Variants in EPHB1 observed in about 807,000 individuals in gnomAD.
EPHB1 encodes the protein EPH receptor B1.
In EPHB1, 30 loss-of-function variants were observed where a neutral mutation model predicts 94.4. The ratio of observed to expected loss-of-function variants is 0.32; its 90% CI spans 0.24 to 0.43. EPHB1 has a LOEUF of 0.43. Ranked by LOEUF, EPHB1 falls within the 20% of genes least tolerant of loss-of-function variation. EPHB1 has a pLI of 1.00. For missense variants in EPHB1, 1,055 were observed against 1,308.3 expected, an observed-to-expected ratio of 0.81 and a Z score of 2.99; for synonymous variants, 522 against 489.1, an observed-to-expected ratio of 1.07 and a Z score of -0.89.
At chr3:135,211,644 T>C (rs1346965251) in intron 12 of EPHB1, among the ~76,000 whole-genome samples, 1 of 152,248 alleles carries the variant, frequency 6.6e-6, no homozygotes, top group East Asian at 1.9e-4. Context: ...TGGCTTCTGA[T>C]GAGAAATCCC....
intron 3 of EPHB1, among the ~76,000 whole-genome samples, chr3:135,074,074 A>G (rs1238594848): frequency 6.6e-6 from 1 of 152,224 alleles, no homozygotes; most frequent in Non-Finnish European, 1.5e-5. Flanking sequence ...TAGGGTTTGC[A>G]AAATGTTACT....
At position 135,106,471 on chromosome 3, in the gene EPHB1, G is replaced by A; in HGVS notation, c.829G>A (p.Ala277Thr). ...CKACPAGTFKASQEAEGCSHC... is the reference protein window; with the variant it reads ...CKACPAGTFKTSQEAEGCSHC... Reference sequence around the variant, plus strand: ...AGCTTGCCCTGCAGGGACATTCAAGGCCAGCCAGGAAGCTGAAGGCTGCTC... The same window carrying A: ...AGCTTGCCCTGCAGGGACATTCAAGACCAGCCAGGAAGCTGAAGGCTGCTC... The change falls in exon 4 of 16, where the codon GCC becomes ACC. Residue 277 changes from alanine (A) to threonine (T), a missense_variant. Ala to Thr is a moderately conservative substitution (Grantham distance 58). Coordinates refer to ENST00000398015, the MANE Select transcript of EPHB1 (RefSeq NM_004441.5). The A allele has an allele frequency of 1.2e-6, 2 of 1,613,990 alleles. No homozygotes were observed. Among genetic ancestry groups the A allele is most frequent in the Non-Finnish European group, 1.7e-6 (2 of 1,179,904 alleles).
chr3:134,950,129 G>A (rs893303644), intron 2 of EPHB1, among the ~76,000 whole-genome samples: 4 of 152,216 alleles, frequency 2.6e-5, no homozygotes, highest in African/African-American at 7.2e-5. Flanking sequence ...ATAATACCTG[G>A]TTCTGAAAGT....
chr3:135,088,193 T>A (rs949192721), intron 3 of EPHB1, among the ~76,000 whole-genome samples: 1 of 152,140 alleles, frequency 6.6e-6, no homozygotes, highest in East Asian at 1.9e-4. Flanking sequence ...CATATGCCCA[T>A]CGTTACAGAA....
At chr3:135,157,447 T>C (rs2107696433) in intron 6 of EPHB1, among the ~76,000 whole-genome samples, 1 of 152,356 alleles carries the variant, frequency 6.6e-6, no homozygotes, top group South Asian at 2.1e-4. Flanking sequence ...CTTTTTATGC[T>C]GTAAAAGCAG....
intron 3 of EPHB1, among the ~76,000 whole-genome samples, chr3:135,048,635 G>A (rs1339723617): frequency 6.6e-6 from 1 of 152,098 alleles, no homozygotes. Context: ...GAAGCATTAG[G>A]GAGCAGAGTA....
intron 5 of EPHB1, among the ~76,000 whole-genome samples, chr3:135,149,676 G>A (rs1322824809): frequency 6.6e-6 from 1 of 152,224 alleles, no homozygotes; most frequent in Non-Finnish European, 1.5e-5. Context: ...GGGAGGATAA[G>A]AAATGCTTTC....
chr3:134,891,054 A>G (rs999083327), intron 1 of EPHB1, among the ~76,000 whole-genome samples: 2 of 152,216 alleles, frequency 1.3e-5, no homozygotes, highest in Non-Finnish European at 2.9e-5. Flanking sequence ...TTGTTTGCCT[A>G]CTGTTCCCAC....
chr3:134,937,912 C>CG (rs2039037157), intron 2 of EPHB1, among the ~76,000 whole-genome samples: 2 of 122,614 alleles, frequency 1.6e-5, no homozygotes, highest in Non-Finnish European at 3.3e-5. Context: ...TGGTTCCCTC[C>CG]TTTTTTTTTT....
chr3:135,186,899 C>T (rs1001658139), intron 10 of EPHB1, among the ~76,000 whole-genome samples: 8 of 152,136 alleles, frequency 5.3e-5, no homozygotes, highest in Non-Finnish European at 2.9e-5. Flanking sequence ...CCTTGAGGGC[C>T]AGGTTCTCAA....
At chr3:134,975,750 G>A (rs749766310) in intron 3 of EPHB1, among the ~76,000 whole-genome samples, 1 of 146,340 alleles carries the variant, frequency 6.8e-6, no homozygotes, top group Non-Finnish European at 1.5e-5. Flanking sequence ...CTATTCGTAA[G>A]GATAGAATAA....
intron 3 of EPHB1, among the ~76,000 whole-genome samples, chr3:135,071,525 T>A (rs1576361703): frequency 6.6e-6 from 1 of 152,146 alleles, no homozygotes; most frequent in South Asian, 2.1e-4. Context: ...TGAGATAAAG[T>A]GCTGGACTAG....
At chr3:135,254,858 G>A (rs987859849) in intron 15 of EPHB1, among the ~76,000 whole-genome samples, 1 of 152,038 alleles carries the variant, frequency 6.6e-6, no homozygotes, top group Non-Finnish European at 1.5e-5. Context: ...GACTCTTTTT[G>A]GTTGGTAAGC....
At chr3:135,251,190 G>C (rs1559892290) in intron 15 of EPHB1, among the ~76,000 whole-genome samples, 1 of 152,076 alleles carries the variant, frequency 6.6e-6, no homozygotes, top group Non-Finnish European at 1.5e-5. Context: ...GCCAAAAAAA[G>C]ATGGTTCCTT....
intron 1 of EPHB1, among the ~76,000 whole-genome samples, chr3:134,886,472 G>A (rs1462766344): frequency 1.3e-5 from 2 of 152,084 alleles, no homozygotes; most frequent in African/African-American, 2.4e-5. Flanking sequence ...AATCAAATTC[G>A]GAGATTATTT....
At chr3:134,946,057 G>A (rs2039211167) in intron 2 of EPHB1, among the ~76,000 whole-genome samples, 1 of 152,194 alleles carries the variant, frequency 6.6e-6, no homozygotes, top group Non-Finnish European at 1.5e-5. Context: ...GGGGACACAT[G>A]GCCCCTTGAG....
chr3:135,110,464 A>G (rs1939396772), intron 4 of EPHB1, among the ~76,000 whole-genome samples: 2 of 152,238 alleles, frequency 1.3e-5, no homozygotes, highest in South Asian at 2.1e-4. Flanking sequence ...GCTTAGTGGC[A>G]GGGGCAGGGG....
At chr3:134,970,221 C>G (rs1305749237) in intron 3 of EPHB1, among the ~76,000 whole-genome samples, 4 of 152,312 alleles carry the variant, frequency 2.6e-5, no homozygotes, top group African/African-American at 9.6e-5. Flanking sequence ...AGATTTTCTT[C>G]TCTGCTGTCT....
chr3:135,208,012 A>C (rs569068542), intron 12 of EPHB1, among the ~76,000 whole-genome samples: 1 of 152,208 alleles, frequency 6.6e-6, no homozygotes, highest in Non-Finnish European at 1.5e-5. Flanking sequence ...ATTAGGACTT[A>C]AACATATGAA....
Sources: allele counts gnomAD v4.1 joint callset (sites outside exome capture counted in the v4.1 genomes callset), GRCh38; gene constraint gnomAD v4.1.1; transcripts MANE v1.5; gene names NCBI Gene and HGNC (gene_info 2026-07-23, HGNC 2026-07-21).